The following NPR3 variants were observed in gnomAD, a reference collection of about 807,000 sequenced individuals.
NPR3 encodes natriuretic peptide receptor 3, also known as atrial natriuretic peptide receptor 3.
A neutral mutation model predicts 54.5 loss-of-function variants in NPR3; 34 were observed. The observed-to-expected ratio is 0.62, with a 90% CI of 0.47 to 0.83. The LOEUF (loss-of-function observed/expected upper bound fraction) is 0.83. Among genes scored for constraint, NPR3 ranks in the 40% least tolerant of loss-of-function variants. The pLI, the probability that NPR3 is intolerant of heterozygous loss-of-function variation, is 0.00. For synonymous variants in NPR3, 289 were observed against 297.1 expected, an observed-to-expected ratio of 0.97 and a Z score of 0.28; for missense variants, 674 against 720.8, an observed-to-expected ratio of 0.94 and a Z score of 0.74.
intron 3 of NPR3, among the ~76,000 whole-genome samples, chr5:32,762,117 T>C (rs867799672): frequency 3.3e-4 from 50 of 152,308 alleles, no homozygotes; most frequent in African/African-American, 1.2e-3. Flanking sequence ...GCAAAGGACA[T>C]GAACTCATCC....
At chr5:32,732,875 G>T (rs903853845) in intron 2 of NPR3, among the ~76,000 whole-genome samples, 1 of 151,338 alleles carries the variant, frequency 6.6e-6, no homozygotes, top group African/African-American at 2.4e-5. Context: ...ACAGAGTTTT[G>T]CTCTTGTCAC....
chr5:32,734,603 T>C (rs936418909), intron 2 of NPR3, among the ~76,000 whole-genome samples: 2 of 152,202 alleles, frequency 1.3e-5, no homozygotes, highest in African/African-American at 4.8e-5. Flanking sequence ...ACCAGTGAGC[T>C]TCTCATTACC....
chr5:32,789,938 G>A lies in NPR3; in HGVS notation c.*3593G>A. 2.9e-6 allele frequency: 1 copy of A among 349,812 alleles called. No homozygotes were observed. 21.7% of individuals were successfully genotyped at this position (349,812 alleles called of 1,614,324 possible). On this transcript the variant is annotated 3_prime_UTR_variant, in exon 8 of 8. Coordinates refer to ENST00000265074, the MANE Select transcript of NPR3 (RefSeq NM_001204375.2). ...AAGGAACAAGTACCTGTGTTTCTTG[G>A]GACACAAAGCACTCAGATCCTGAGT...
chr5:32,739,853 A>T (rs576048402), intron 3 of NPR3, among the ~76,000 whole-genome samples: 19 of 152,294 alleles, frequency 1.2e-4, no homozygotes, highest in Middle Eastern at 3.4e-3. Context: ...ACTCTACAGC[A>T]TCCCAAATTG....
intron 3 of NPR3, among the ~76,000 whole-genome samples, chr5:32,750,756 TA>T (rs1740533459): frequency 6.6e-6 from 1 of 152,222 alleles, no homozygotes; most frequent in Non-Finnish European, 1.5e-5. Flanking sequence ...CATTTGGTTA[TA>T]GTTTCCTTCT....
chr5:32,719,964 A>T (rs763944306), intron 1 of NPR3, among the ~76,000 whole-genome samples: 1 of 152,174 alleles, frequency 6.6e-6, no homozygotes, highest in South Asian at 2.1e-4. Context: ...TAACTGGAAG[A>T]TGGGTACAGT....
At chr5:32,729,989 T>A (rs542718924) in intron 2 of NPR3, among the ~76,000 whole-genome samples, 6 of 152,192 alleles carry the variant, frequency 3.9e-5, no homozygotes, top group Non-Finnish European at 8.8e-5. Flanking sequence ...TGTTCCAGGA[T>A]CCAATCCAGG....
chr5:32,711,350 G>C lies in NPR3; in HGVS notation c.-427G>C. The C allele has an allele frequency of 1.0e-6, 1 of 989,600 alleles. No individual in the cohort carries two copies. Among genetic ancestry groups the C allele is most frequent in the Non-Finnish European group, 1.2e-6 (1 of 832,958 alleles). 61.3% of individuals were successfully genotyped at this position (989,600 alleles called of 1,614,324 possible). A position where few individuals can be genotyped will look rare whatever the true frequency, so the allele number is the denominator to read the frequency against. ...CGAATCAATGAGATCAAATGCGAGG[G>C]AGATGCACCGTCAATTACAAACACT... On this transcript the variant is annotated 5_prime_UTR_variant, in exon 1 of 8. Coordinates refer to ENST00000265074, the MANE Select transcript of NPR3 (RefSeq NM_001204375.2).
intron 2 of NPR3, among the ~76,000 whole-genome samples, chr5:32,733,819 G>A (rs902791069): frequency 6.6e-6 from 1 of 152,096 alleles, no homozygotes; most frequent in Non-Finnish European, 1.5e-5. Flanking sequence ...TGTTTTTAAC[G>A]TTTTTGTCAA....
intron 3 of NPR3, among the ~76,000 whole-genome samples, chr5:32,757,991 G>A (rs1181069176): frequency 1.3e-5 from 2 of 152,292 alleles, no homozygotes; most frequent in East Asian, 1.9e-4. Flanking sequence ...TGTGCTGCTG[G>A]ATTCGGTTTG....
intron 1 of NPR3, among the ~76,000 whole-genome samples, chr5:32,695,926 C>T (rs1300305997): frequency 1.3e-5 from 2 of 151,990 alleles, no homozygotes; most frequent in Non-Finnish European, 2.9e-5. Flanking sequence ...ATTATTAATC[C>T]CTTGTCAGAT....
At position 32,739,165 on chromosome 5, in the gene NPR3, CTGTG is replaced by C. The variant is rs552222462; in HGVS notation, c.1059+151_1059+154del. 301 of 707,204 alleles carry C rather than the reference CTGTG, an allele frequency of 4.3e-4. 1 individual carries two copies. Among genetic ancestry groups the C allele is most frequent in the Non-Finnish European group, 5.3e-4 (244 of 456,964 alleles). The allele number at this position is 707,204 out of a possible 1,614,324, so 43.8% of individuals were successfully genotyped here. ...CAGGTCTGAATGTCACTGTTGCCTTCTGTGTGTGTGTGTGTGTGTTTTTTTTTTT... is the reference window on the plus strand; with the variant it reads ...CAGGTCTGAATGTCACTGTTGCCTTCTGTGTGTGTGTGTGTTTTTTTTTTT... On this transcript the variant is annotated intron_variant, in intron 3 of 7. Coordinates refer to ENST00000265074, the MANE Select transcript of NPR3 (RefSeq NM_001204375.2).
chr5:32,763,107 G>A (rs1286984302), intron 3 of NPR3, among the ~76,000 whole-genome samples: 2 of 152,116 alleles, frequency 1.3e-5, no homozygotes, highest in Non-Finnish European at 2.9e-5. Context: ...CCCATTGCTT[G>A]TTTTTGTCAG....
intron 1 of NPR3, among the ~76,000 whole-genome samples, chr5:32,721,431 G>T (rs938414600): frequency 6.6e-6 from 1 of 152,146 alleles, no homozygotes; most frequent in South Asian, 2.1e-4. Context: ...GGAGGCCCAC[G>T]GTGGGCCGAT....
chr5:32,751,638 C>T (rs1305007151), intron 3 of NPR3, among the ~76,000 whole-genome samples: 1 of 152,070 alleles, frequency 6.6e-6, no homozygotes, highest in East Asian at 1.9e-4. Context: ...ACAAATACCC[C>T]AGTAGTAACC....
At chr5:32,783,245 T>A in intron 6 of NPR3, 1 of 442,800 alleles carries the variant, frequency 2.3e-6, no homozygotes, top group East Asian at 3.7e-5. Context: ...TGTTTCTTCC[T>A]ATTTTTACAT....
intron 3 of NPR3, among the ~76,000 whole-genome samples, chr5:32,741,741 G>GT (rs2111956254): frequency 1.3e-5 from 2 of 151,576 alleles, no homozygotes; most frequent in East Asian, 3.9e-4. Context: ...TCCATCTTTT[G>GT]TATGTATGTA....
chr5:32,761,888 A>C (rs1741185559), intron 3 of NPR3, among the ~76,000 whole-genome samples: 1 of 151,838 alleles, frequency 6.6e-6, no homozygotes, highest in Non-Finnish European at 1.5e-5. Context: ...GATTTGCTGC[A>C]CTCATCAACC....
Position 32,780,940 on chromosome 5 carries a change from A to G in NPR3, c.1290+124A>G, listed in dbSNP as rs1742307071. On this transcript the variant is annotated intron_variant, in intron 5 of 7. Transcript: ENST00000265074. ...CTTCCAAATAAAAATGAGTTGAAAA[A>G]CCTCAACTTTTGATTGAGGGTTCAA... 13 of 605,866 alleles carry G rather than the reference A, an allele frequency of 2.1e-5. No homozygotes were observed. In the South Asian group the frequency reaches 2.7e-4, roughly 12 times the overall value. 37.5% of individuals were successfully genotyped at this position (605,866 alleles called of 1,614,324 possible).
Sources: gnomAD v4.1 joint callset for allele counts (sites outside exome capture counted in the v4.1 genomes callset) on GRCh38, gnomAD v4.1.1 for gene constraint, MANE v1.5 for transcripts, NCBI Gene and HGNC (gene_info 2026-07-23, HGNC 2026-07-21) for gene names.